PDE4C: variants seen among roughly 807,000 people sequenced by gnomAD.
PDE4C encodes the protein phosphodiesterase 4C.
PDE4C carries 50 observed loss-of-function variants against 63.9 expected under a neutral mutation model. The ratio of observed to expected loss-of-function variants is 0.78; its 90% CI spans 0.62 to 0.99. The LOEUF is 0.99. Ranked by LOEUF, PDE4C falls within the 50% of genes least tolerant of loss-of-function variation. PDE4C has a pLI of 0.00. For synonymous variants in PDE4C, 377 were observed against 385.1 expected, an observed-to-expected ratio of 0.98 and a Z score of 0.25; for missense variants, 777 against 899.1, an observed-to-expected ratio of 0.86 and a Z score of 1.74.
upstream of PDE4C, chr19:18,226,517 C>G: frequency 1.1e-6 from 1 of 937,696 alleles, no homozygotes; most frequent in Non-Finnish European, 1.4e-6. Flanking sequence ...AAGGGCGCAT[C>G]GGCCCCGCCT....
chr19:18,250,579 T>A (rs2148081193), upstream of PDE4C: 1 of 397,700 alleles, frequency 2.5e-6, no homozygotes, highest in Middle Eastern at 6.3e-4. Context: ...AGCTGACCTC[T>A]CTTCCCTCTC....
chr19:18,247,693 T>A (rs1969155320), intron 1 of PDE4C, among the ~76,000 whole-genome samples: 1 of 146,632 alleles, frequency 6.8e-6, no homozygotes, highest in South Asian at 2.2e-4. Flanking sequence ...GGAAGGAGAG[T>A]GTTGTCCTGC....
intron 1 of PDE4C, among the ~76,000 whole-genome samples, chr19:18,240,262 A>C (rs2544725): frequency 0.6 from 91,293 of 151,388 alleles, 27,670 homozygotes; most frequent in Middle Eastern, 0.72. Flanking sequence ...CCGTCGCTAC[A>C]AAACATTTTA....
At chr19:18,239,363 G>C (rs1425138466) in intron 1 of PDE4C, among the ~76,000 whole-genome samples, 1 of 152,236 alleles carries the variant, frequency 6.6e-6, no homozygotes, top group East Asian at 1.9e-4. Flanking sequence ...GAATCAGTCT[G>C]AACGGATGCG....
exon 1 of PDE4C, chr19:18,233,377 G>A (rs1288216981): frequency 2.6e-6 from 2 of 782,384 alleles, no homozygotes; most frequent in Non-Finnish European, 4.4e-6. Flanking sequence ...CCGACACCGA[G>A]GAGCTGTCGA....
intron 12 of PDE4C, 123 bp from the exon 13 acceptor site, chr19:18,213,613 G>T: frequency 9.2e-7 from 1 of 1,084,070 alleles, no homozygotes; most frequent in Non-Finnish European, 1.3e-6. Context: ...ACTCATCTGT[G>T]AAATGGAAGG....
At chr19:18,215,719 T>C (rs1435948699) in intron 12 of PDE4C, among the ~76,000 whole-genome samples, 1 of 151,964 alleles carries the variant, frequency 6.6e-6, no homozygotes, top group East Asian at 1.9e-4. Flanking sequence ...TTCACCATGT[T>C]GGCCAGGATG....
At chr19:18,238,628 C>T (rs1003402297), upstream of PDE4C, among the ~76,000 whole-genome samples, 1 of 151,978 alleles carries the variant, frequency 6.6e-6, no homozygotes, top group African/African-American at 2.4e-5. Context: ...TATTATAATG[C>T]TATGCACCAT....
At chr19:18,252,122 G>A, upstream of PDE4C, 1 of 399,364 alleles carries the variant, frequency 2.5e-6, no homozygotes, top group Non-Finnish European at 4.4e-6. Flanking sequence ...TTCCGGGGCT[G>A]TGGGAAGTGG....
chr19:18,219,669 C>A, intron 7 of PDE4C: 1 of 377,952 alleles, frequency 2.6e-6, no homozygotes, highest in East Asian at 4.7e-5. Flanking sequence ...ACTAAAAATA[C>A]AAAAATTAGT....
chr19:18,220,728 G>T lies in PDE4C; in HGVS notation c.499+146C>A. Reference sequence around the variant, plus strand: ...CCTCATCTGTAATATGAGTGTGGTGGGGTCCATCCCCGAGGGCGTTATTGT... The same window carrying T: ...CCTCATCTGTAATATGAGTGTGGTGTGGTCCATCCCCGAGGGCGTTATTGT... On this transcript the variant is annotated intron_variant, in intron 5 of 14. Coordinates refer to ENST00000262805, the Ensembl canonical transcript of PDE4C. The surrounding 1 kb of genome is among the most constrained non-coding windows in gnomAD (Gnocchi z 5.1). 1 of 847,232 alleles carries T rather than the reference G, an allele frequency of 1.2e-6. No homozygotes were observed. The highest frequency in any genetic ancestry group is 1.9e-6 in the Non-Finnish European group (1 of 517,060). 52.5% of individuals were successfully genotyped at this position (847,232 alleles called of 1,614,324 possible).
At chr19:18,229,437 C>T (rs1184977075), upstream of PDE4C, among the ~76,000 whole-genome samples, 3 of 152,144 alleles carry the variant, frequency 2.0e-5, no homozygotes, top group Non-Finnish European at 4.4e-5. Context: ...GACGGGGTTT[C>T]ACCATGTTGG....
upstream of PDE4C, among the ~76,000 whole-genome samples, chr19:18,230,407 G>T (rs1322474524): frequency 1.3e-5 from 2 of 152,230 alleles, no homozygotes; most frequent in Non-Finnish European, 2.9e-5. Flanking sequence ...GGGAGGCTGA[G>T]GTAGGGGAAT....
chr19:18,221,049 T>TCCGCCAGGCCCCTCCCCACC, intron 4 of PDE4C, 56 bp downstream of exon 4: 6 of 1,239,970 alleles, frequency 4.8e-6, no homozygotes, highest in African/African-American at 1.5e-5. Flanking sequence ...CAGCCCGCTT[T>TCCGCCAGGCCCCTCCCCACC]CCGCCCACCT....
chr19:18,224,021 C>T (rs911765250), intron 1 of PDE4C, among the ~76,000 whole-genome samples: 3 of 152,252 alleles, frequency 2.0e-5, no homozygotes, highest in African/African-American at 7.2e-5. Flanking sequence ...CACTCCTCCA[C>T]TTCATCTTCA....
chr19:18,233,693 C>G, upstream of PDE4C: 1 of 353,750 alleles, frequency 2.8e-6, no homozygotes. Flanking sequence ...GTGGATGAGA[C>G]AGCGAAGAGC....
At chr19:18,216,573 C>G (rs1968203932) in intron 12 of PDE4C, among the ~76,000 whole-genome samples, 168 bp downstream of exon 12, 1 of 152,282 alleles carries the variant, frequency 6.6e-6, no homozygotes, top group East Asian at 1.9e-4. Flanking sequence ...CCGCCCCTGG[C>G]CCCACTGTTC....
chr19:18,214,545 AG>A (rs1968106915), intron 12 of PDE4C, among the ~76,000 whole-genome samples: 1 of 152,114 alleles, frequency 6.6e-6, no homozygotes, highest in African/African-American at 2.4e-5. Context: ...TGGGAGCCAC[AG>A]GGGAGTTTGC....
chr19:18,247,509 T>A (rs1266949832), intron 1 of PDE4C, among the ~76,000 whole-genome samples: 1 of 152,178 alleles, frequency 6.6e-6, no homozygotes, highest in Non-Finnish European at 1.5e-5. Flanking sequence ...TTGGCCAGGT[T>A]GGTCTTGAAC....
Sources: gnomAD v4.1 joint callset for allele counts (sites outside exome capture counted in the v4.1 genomes callset) on GRCh38, gnomAD v4.1.1 for gene constraint, Gnocchi (gnomAD v3.1) non-coding constraint, MANE v1.5 for transcripts, NCBI Gene and HGNC (gene_info 2026-07-23, HGNC 2026-07-21) for gene names.